The following ESYT2 variants were observed in gnomAD, a reference collection of about 807,000 sequenced individuals.
ESYT2 encodes the protein extended synaptotagmin 2.
ESYT2 carries 54 observed loss-of-function variants against 107.2 expected under a neutral mutation model. The ratio of observed to expected loss-of-function variants is 0.50; its 90% CI spans 0.40 to 0.63. ESYT2 has a LOEUF of 0.63. Ranked by LOEUF, ESYT2 falls within the 30% of genes least tolerant of loss-of-function variation. The pLI is 0.00. For missense variants in ESYT2, 1,020 were observed against 1,094.5 expected (o/e 0.93, Z 0.96); for synonymous variants, 491 against 434.1 (o/e 1.13, Z -1.63).
At chr7:158,797,117 T>C (rs1002630056) in intron 3 of ESYT2, among the ~76,000 whole-genome samples, 1 of 151,892 alleles carries the variant, frequency 6.6e-6, no homozygotes, top group African/African-American at 2.4e-5. Flanking sequence ...CCGGTAGACC[T>C]TGGTGAACAA....
rs188411767 is a variant in ESYT2, at chr7:158,748,077, G to T, written c.1644+117C>A. 228 of 876,790 alleles carry T rather than the reference G, an allele frequency of 2.6e-4. No homozygotes were observed. In the African/African-American group the frequency reaches 3.5e-3, roughly 13 times the overall value. 54.3% of individuals were successfully genotyped at this position (876,790 alleles called of 1,614,324 possible). On this transcript the variant is annotated intron_variant, in intron 16 of 22. Transcript: ENST00000275418. ...CGGGTTACAGAGAGATCTACCAATTGTCCTGATTCTGGCGATGGATCCCCA... is the reference window on the plus strand; with the variant it reads ...CGGGTTACAGAGAGATCTACCAATTTTCCTGATTCTGGCGATGGATCCCCA...
At chr7:158,770,471 G>A (rs1838321168) in intron 7 of ESYT2, among the ~76,000 whole-genome samples, 1 of 151,038 alleles carries the variant, frequency 6.6e-6, no homozygotes, top group Non-Finnish European at 1.5e-5. Flanking sequence ...TGTTAGGTAA[G>A]TATATATTTT....
chr7:158,754,488 GGCATGAGCCACTGT>G (rs1307492589), intron 13 of ESYT2, among the ~76,000 whole-genome samples: 1 of 152,110 alleles, frequency 6.6e-6, no homozygotes, highest in East Asian at 1.9e-4. Flanking sequence ...TGGGATTACA[GGCATGAGCCACTGT>G]GCCCGGCCTT....
intron 1 of ESYT2, among the ~76,000 whole-genome samples, chr7:158,817,480 C>T (rs1840176648): frequency 6.6e-6 from 1 of 152,268 alleles, no homozygotes; most frequent in African/African-American, 2.4e-5. Flanking sequence ...TTCCAGGTGT[C>T]CCACCTTGCT....
intron 4 of ESYT2, among the ~76,000 whole-genome samples, 191 bp from the exon 5 acceptor site, chr7:158,788,608 A>C (rs558953408): frequency 6.6e-6 from 1 of 152,350 alleles, no homozygotes; most frequent in African/African-American, 2.4e-5. Context: ...CTGTTATCAG[A>C]TCCAACACTG....
intron 1 of ESYT2, among the ~76,000 whole-genome samples, chr7:158,806,558 G>A (rs1052863348): frequency 1.3e-5 from 2 of 152,162 alleles, no homozygotes; most frequent in African/African-American, 4.8e-5. Flanking sequence ...GGAGAACAGG[G>A]TATCCCTTCA....
At position 158,754,734 on chromosome 7, in the gene ESYT2, G is replaced by A. The variant is rs1292776139; in HGVS notation, c.1420-1891C>T. Among the ~76,000 whole-genome samples the A allele has an allele frequency of 2.0e-5, 3 of 152,276 alleles. 1 individual carries two copies. The highest frequency in any genetic ancestry group is 6.5e-5 in the Admixed American group (1 of 15,300). On this transcript the variant is annotated intron_variant, in intron 13 of 22. Transcript: ENST00000275418. ...TTGCACTAGGGTCGAGGGGACAAGA[G>A]GCGCCAAGCACCCCGACTCTGGGCC... is the stretch of plus-strand genomic sequence containing the variant.
rs147223873 is a variant in ESYT2, at chr7:158,767,697, A to G, written c.881T>C (p.Val294Ala). The G allele has an allele frequency of 6.2e-7, 1 of 1,613,268 alleles. No homozygotes were observed. Among genetic ancestry groups the G allele is most frequent in the South Asian group, 1.1e-5 (1 of 90,858 alleles). The part of the protein sequence containing the change: ...VLPNRITVPL[V>A]SEVQIAQLRF... Reference sequence around the variant, plus strand: ...CAACTGAGCTATTTGAACTTCACTGACAAGTGGAACGGTGATTCGATTGGG... The same window carrying G: ...CAACTGAGCTATTTGAACTTCACTGGCAAGTGGAACGGTGATTCGATTGGG... The change falls in exon 8 of 23, where the codon GTC becomes GCC. Residue 294 changes from valine to alanine, a missense_variant. Transcript: ENST00000275418.
At chr7:158,748,736 G>A (rs1413968051) in intron 15 of ESYT2, among the ~76,000 whole-genome samples, 1 of 150,554 alleles carries the variant, frequency 6.6e-6, no homozygotes, top group South Asian at 2.1e-4. Flanking sequence ...TTTTTTGGTA[G>A]GGGGGACAGA....
At chr7:158,737,483 T>C (rs952141689) in intron 19 of ESYT2, among the ~76,000 whole-genome samples, 1 of 152,138 alleles carries the variant, frequency 6.6e-6, no homozygotes. Flanking sequence ...CTTTCCATAA[T>C]GCTTCTGCCA....
intron 6 of ESYT2, among the ~76,000 whole-genome samples, chr7:158,782,208 AAC>A (rs1419771788): frequency 2.1e-5 from 3 of 145,038 alleles, no homozygotes; most frequent in African/African-American, 7.6e-5. Flanking sequence ...AACAAGTGTG[AAC>A]GTGTGAGAAC....
At chr7:158,779,625 G>A (rs1452810285) in intron 6 of ESYT2, among the ~76,000 whole-genome samples, 1 of 152,032 alleles carries the variant, frequency 6.6e-6, no homozygotes, top group Non-Finnish European at 1.5e-5. Context: ...GACCCACATG[G>A]GAAGAAACGA....
intron 1 of ESYT2, among the ~76,000 whole-genome samples, chr7:158,825,319 A>G (rs538205888): frequency 6.6e-6 from 1 of 152,078 alleles, no homozygotes; most frequent in East Asian, 1.9e-4. Context: ...ATGAAATAAT[A>G]AATAAATAAA....
chr7:158,802,130 A>G (rs2129473655), intron 1 of ESYT2, among the ~76,000 whole-genome samples: 1 of 152,330 alleles, frequency 6.6e-6, no homozygotes, highest in South Asian at 2.1e-4. Flanking sequence ...TATTCTTCCT[A>G]TATCCAAACA....
intron 20 of ESYT2, among the ~76,000 whole-genome samples, chr7:158,736,483 T>C (rs1455612811): frequency 6.6e-6 from 1 of 151,942 alleles, no homozygotes; most frequent in African/African-American, 2.4e-5. Context: ...CCCCTGGGGG[T>C]GTCTCTGAGA....
chr7:158,747,324 T>C (rs1192521287), intron 16 of ESYT2, among the ~76,000 whole-genome samples: 1 of 151,586 alleles, frequency 6.6e-6, no homozygotes, highest in Non-Finnish European at 1.5e-5. Context: ...CCAGCCTCCA[T>C]GACAGAGTGA....
At chr7:158,746,690 C>T (rs564309593) in intron 16 of ESYT2, among the ~76,000 whole-genome samples, 2 of 152,124 alleles carry the variant, frequency 1.3e-5, no homozygotes, top group South Asian at 4.1e-4. Context: ...ATAATCTTTT[C>T]AACAAAGACT....
chr7:158,785,310 A>G (rs1839070153), intron 6 of ESYT2, among the ~76,000 whole-genome samples: 1 of 152,098 alleles, frequency 6.6e-6, no homozygotes, highest in African/African-American at 2.4e-5. Flanking sequence ...CTGTAATCTC[A>G]GCTGCTCTGG....
rs769606320 is a variant in ESYT2, at chr7:158,743,524, G to A, written c.1794+5C>T. On this transcript the variant is annotated splice_donor_5th_base_variant and intron_variant, in intron 17 of 22. Transcript: ENST00000275418. ...TATGGTGTTCACTGCAGGACGACAC[G>A]ATACCCGCAGGGCAATCTTCATCTT... The A allele has an allele frequency of 1.3e-5, 21 of 1,607,520 alleles. No individual in the cohort carries two copies. Among genetic ancestry groups the A allele is most frequent in the South Asian group, 1.1e-4 (10 of 90,112 alleles).
Sources: allele counts gnomAD v4.1 joint callset (sites outside exome capture counted in the v4.1 genomes callset), GRCh38; gene constraint gnomAD v4.1.1; transcripts MANE v1.5; gene names NCBI Gene and HGNC (gene_info 2026-07-23, HGNC 2026-07-21).